The following PTPRD variants were observed in gnomAD, a reference collection of about 807,000 sequenced individuals.
PTPRD encodes the protein protein tyrosine phosphatase receptor type D.
Under a neutral mutation model 214.5 loss-of-function variants are expected in PTPRD, and 34 were observed. That is an observed-to-expected ratio of 0.16 (90% CI 0.12 to 0.21). PTPRD has a LOEUF of 0.21. Ranked by LOEUF, PTPRD falls within the 10% of genes least tolerant of loss-of-function variation. PTPRD has a pLI of 1.00. For synonymous variants in PTPRD, 1,128 were observed against 845.7 expected, an observed-to-expected ratio of 1.33 and a Z score of -5.79; for missense variants, 2,545 against 2,398.7, an observed-to-expected ratio of 1.06 and a Z score of -1.27.
intron 5 of PTPRD, among the ~76,000 whole-genome samples, chr9:9,935,418 C>A (rs903852881): frequency 1.3e-5 from 2 of 151,974 alleles, no homozygotes; most frequent in African/African-American, 4.8e-5. Context: ...CACAAGCATT[C>A]TTATACACCA....
Position 10,289,856 on chromosome 9 carries a change from G to C in PTPRD, c.-545+51107C>G, listed in dbSNP as rs151246977. On this transcript the variant is annotated intron_variant, in intron 3 of 45. Coordinates refer to ENST00000381196, the MANE Select transcript of PTPRD (RefSeq NM_002839.4). ...ATAGAATAAAATGTATGGAAAGAGA[G>C]GTACAGATAGAATCTTAAGCAGTGT... 1.5e-3 allele frequency among the ~76,000 whole-genome samples: 234 copies of C among 152,260 alleles called. 1 individual carries two copies. The highest frequency in any genetic ancestry group is 5.5e-3 in the African/African-American group (230 of 41,568).
chr9:8,314,329 C>G lies in PTPRD; in HGVS notation c.*3545G>C, dbSNP rs932407948. 4.0e-5 allele frequency: 9 copies of G among 226,512 alleles called. No individual in the cohort carries two copies. Among genetic ancestry groups the G allele is most frequent in the Non-Finnish European group, 7.9e-5 (9 of 113,528 alleles). 14.0% of individuals were successfully genotyped at this position (226,512 alleles called of 1,614,324 possible). On this transcript the variant is annotated 3_prime_UTR_variant, in exon 46 of 46. Transcript: ENST00000381196. Reference sequence around the variant, plus strand: ...AAAGAACTGATTTTCATACAGACTTCTTTCGCCACCAATGTAACGAAGTAA... The same window carrying G: ...AAAGAACTGATTTTCATACAGACTTGTTTCGCCACCAATGTAACGAAGTAA...
chr9:9,731,024 C>A (rs984224300), intron 7 of PTPRD, among the ~76,000 whole-genome samples: 1 of 152,082 alleles, frequency 6.6e-6, no homozygotes. Flanking sequence ...CACACAGATA[C>A]AAAATTCAGT....
chr9:9,128,017 G>C (rs748559743), intron 10 of PTPRD, among the ~76,000 whole-genome samples: 6 of 152,068 alleles, frequency 3.9e-5, no homozygotes, highest in Admixed American at 1.3e-4. Context: ...TTTTATTTAG[G>C]CTCTAAAATA....
At position 8,478,027 on chromosome 9, in the gene PTPRD, T is replaced by C. The variant is rs542471337; in HGVS notation, c.3413+6092A>G. Among the ~76,000 whole-genome samples the C allele has an allele frequency of 1.4e-4, 22 of 152,318 alleles. No individual in the cohort carries two copies. The Middle Eastern group carries it at 0.014, about 94-fold the overall frequency. On this transcript the variant is annotated intron_variant, in intron 30 of 45. Coordinates refer to ENST00000381196, the MANE Select transcript of PTPRD (RefSeq NM_002839.4). The stretch of plus-strand genomic sequence containing the variant: ...ATTACATCAGTTAATGTGTGTAACA[T>C]CCTTTGCAAAGCACCTAGTATGCCC...
At chr9:9,236,367 A>G (rs1408861786) in intron 9 of PTPRD, among the ~76,000 whole-genome samples, 1 of 152,122 alleles carries the variant, frequency 6.6e-6, no homozygotes. Context: ...ATGGACACAA[A>G]GGAGTATAAA....
chr9:9,374,096 C>A (rs1276949085), intron 9 of PTPRD, among the ~76,000 whole-genome samples: 4 of 151,348 alleles, frequency 2.6e-5, no homozygotes, highest in African/African-American at 4.9e-5. Flanking sequence ...TTGTACGCAA[C>A]CATAAAAATG....
intron 3 of PTPRD, among the ~76,000 whole-genome samples, chr9:10,176,650 A>G (rs2099250270): frequency 6.6e-6 from 1 of 152,010 alleles, no homozygotes; most frequent in South Asian, 2.1e-4. Flanking sequence ...CTCTGAGGTG[A>G]CAGGGGCCTA....
chr9:9,841,567 G>A (rs926006595), intron 5 of PTPRD, among the ~76,000 whole-genome samples: 2 of 152,056 alleles, frequency 1.3e-5, no homozygotes, highest in African/African-American at 2.4e-5. Flanking sequence ...CTAGAACATG[G>A]ACCTAGCGAT....
intron 8 of PTPRD, among the ~76,000 whole-genome samples, chr9:9,483,642 C>A (rs747036071): frequency 2.0e-5 from 3 of 151,998 alleles, no homozygotes; most frequent in Non-Finnish European, 4.4e-5. Flanking sequence ...CTTATAGAAT[C>A]CTCACTAGGT....
chr9:8,846,907 T>G (rs1353063340), intron 11 of PTPRD, among the ~76,000 whole-genome samples: 1 of 152,124 alleles, frequency 6.6e-6, no homozygotes. Context: ...GTGATCAGAT[T>G]TGAGTTTCTT....
intron 9 of PTPRD, among the ~76,000 whole-genome samples, chr9:9,213,919 T>G (rs1324015051): frequency 6.6e-6 from 1 of 152,122 alleles, no homozygotes; most frequent in Non-Finnish European, 1.5e-5. Context: ...TTTTTCTTGT[T>G]TGTACTTTTA....
At chr9:9,274,655 C>A (rs184998545) in intron 9 of PTPRD, among the ~76,000 whole-genome samples, 1 of 151,240 alleles carries the variant, frequency 6.6e-6, no homozygotes, top group East Asian at 2.0e-4. Context: ...AGAACTTGAA[C>A]ATATTCTTTT....
chr9:8,356,111 A>AT (rs546882167), intron 39 of PTPRD, among the ~76,000 whole-genome samples: 8 of 152,016 alleles, frequency 5.3e-5, no homozygotes, highest in Non-Finnish European at 5.9e-5. Flanking sequence ...TTTGCTTTTC[A>AT]TTTTTTTTAA....
intron 3 of PTPRD, among the ~76,000 whole-genome samples, chr9:10,239,696 T>C (rs1353836438): frequency 1.1e-5 from 1 of 91,452 alleles, no homozygotes; most frequent in Non-Finnish European, 3.0e-5. Context: ...TGATAACTAC[T>C]GAATCCAGAA....
rs112242154 is a variant in PTPRD, at chr9:10,576,121, T to C, written c.-600+36277A>G. ...CAGATTCCATTTCTTCCCTTGCCTATGAATCACTTGGGAAGCTAAAATGCA... is the reference window on the plus strand; with the variant it reads ...CAGATTCCATTTCTTCCCTTGCCTACGAATCACTTGGGAAGCTAAAATGCA... On this transcript the variant is annotated intron_variant, in intron 2 of 45. Transcript: ENST00000381196. Among the ~76,000 whole-genome samples, 773 of 152,318 alleles carry C rather than the reference T, an allele frequency of 5.1e-3. 7 individuals carry two copies. The highest frequency in any genetic ancestry group is 0.018 in the African/African-American group (743 of 41,570).
chr9:8,713,991 G>C (rs1265875300), intron 12 of PTPRD: 1 of 603,304 alleles, frequency 1.7e-6, no homozygotes, highest in East Asian at 2.7e-5. Context: ...CTCAATTTCA[G>C]GCTTTGAATC....
chr9:10,115,691 C>A (rs1216801082), intron 3 of PTPRD, among the ~76,000 whole-genome samples: 1 of 151,938 alleles, frequency 6.6e-6, no homozygotes, highest in East Asian at 1.9e-4. Context: ...CACTGTAAAT[C>A]TGTGTAGCTG....
intron 12 of PTPRD, among the ~76,000 whole-genome samples, chr9:8,666,546 A>G (rs2097174188): frequency 6.6e-6 from 1 of 152,236 alleles, no homozygotes; most frequent in South Asian, 2.1e-4. Flanking sequence ...AATTGAAGCC[A>G]AATACTCTCC....
Sources: allele counts gnomAD v4.1 joint callset (sites outside exome capture counted in the v4.1 genomes callset), GRCh38; gene constraint gnomAD v4.1.1; transcripts MANE v1.5; gene names NCBI Gene and HGNC (gene_info 2026-07-23, HGNC 2026-07-21).